The following NR6A1 variants were observed in gnomAD, a reference collection of about 807,000 sequenced individuals.
The protein encoded by NR6A1 is nuclear receptor subfamily 6 group A member 1.
In NR6A1, 7 loss-of-function variants were observed where a neutral mutation model predicts 59.1. That is an observed-to-expected ratio of 0.12 (90% confidence interval 0.07 to 0.22). The LOEUF (loss-of-function observed/expected upper bound fraction) is 0.22, where lower values mean the gene tolerates loss of function less well. Ranked by LOEUF, NR6A1 falls within the 10% of genes least tolerant of loss-of-function variation. The pLI is 1.00. For missense variants in NR6A1, 468 were observed against 611.6 expected, an observed-to-expected ratio of 0.77 and a Z score of 2.48; for synonymous variants, 243 against 236.1, an observed-to-expected ratio of 1.03 and a Z score of -0.27.
At chr9:124,765,133 A>G (rs1231134553) in intron 1 of NR6A1, among the ~76,000 whole-genome samples, 1 of 152,190 alleles carries the variant, frequency 6.6e-6, no homozygotes, top group Non-Finnish European at 1.5e-5. Flanking sequence ...AACGAATTGT[A>G]TGGTTTATTT....
In NR6A1 at chr9:124,771,170, G is replaced by A. The variant is rs940151833; in HGVS notation, c.-51C>T. ...GGTTTGTTGCTCCGCCATGACCGGC[G>A]CCCTAGTCGCCGTGGTCGTCGTCCG... is the stretch of plus-strand genomic sequence containing the variant. On this transcript the variant is annotated 5_prime_UTR_variant, in exon 1 of 10. Coordinates refer to ENST00000487099, the MANE Select transcript of NR6A1 (RefSeq NM_033334.4). The A allele has an allele frequency of 3.8e-6, 4 of 1,039,224 alleles. No homozygotes were observed. The East Asian group carries it at 1.3e-4, about 34-fold the overall frequency. 64.4% of individuals were successfully genotyped at this position (1,039,224 alleles called of 1,614,324 possible).
chr9:124,724,623 T>C (rs912558839), intron 2 of NR6A1, among the ~76,000 whole-genome samples: 8 of 152,198 alleles, frequency 5.3e-5, no homozygotes, highest in Non-Finnish European at 1.2e-4. Context: ...CTCAGTGTAA[T>C]TACTTGTAGG....
In NR6A1 at chr9:124,733,296, T is replaced by G; in HGVS notation, c.142+12A>C. ...TCTTACCAAAGAATATTGGGTAACA[T>G]TGAGAACTTACTAGTGCCTGGGTCA... On this transcript the variant is annotated intron_variant, in intron 2 of 9. Coordinates refer to ENST00000487099, the MANE Select transcript of NR6A1 (RefSeq NM_033334.4). The G allele has an allele frequency of 6.2e-7, 1 of 1,602,638 alleles. No individual in the cohort carries two copies. The highest frequency in any genetic ancestry group is 8.6e-7 in the Non-Finnish European group (1 of 1,169,526).
intron 2 of NR6A1, among the ~76,000 whole-genome samples, chr9:124,681,435 G>A (rs7026327): frequency 0.02 from 2,937 of 145,542 alleles, 86 homozygotes; most frequent in African/African-American, 0.069. Context: ...TCCACCTTCC[G>A]GGTTCAGGCG....
chr9:124,569,238 G>C (rs1051567868), intron 2 of NR6A1, among the ~76,000 whole-genome samples: 12 of 152,160 alleles, frequency 7.9e-5, no homozygotes, highest in African/African-American at 2.9e-4. Context: ...TCTTGTAAGT[G>C]AGCACAACAC....
chr9:124,534,506 C>T (rs768975345), intron 7 of NR6A1, among the ~76,000 whole-genome samples: 13 of 152,188 alleles, frequency 8.5e-5, no homozygotes, highest in Non-Finnish European at 1.9e-4. Context: ...TGTGCTTGGA[C>T]AGGCCCCAGA....
chr9:124,688,832 G>A (rs1838426528), intron 2 of NR6A1, among the ~76,000 whole-genome samples: 1 of 152,116 alleles, frequency 6.6e-6, no homozygotes, highest in Non-Finnish European at 1.5e-5. Flanking sequence ...ATGTATTTAG[G>A]GAGAGAATCC....
intron 2 of NR6A1, among the ~76,000 whole-genome samples, chr9:124,623,053 A>G (rs1263155860): frequency 6.6e-6 from 1 of 152,172 alleles, no homozygotes; most frequent in Non-Finnish European, 1.5e-5. Flanking sequence ...ATTTCCCTCC[A>G]CAGTGTGCCA....
intron 3 of NR6A1, among the ~76,000 whole-genome samples, chr9:124,547,703 T>C (rs1361983483): frequency 6.6e-6 from 1 of 152,212 alleles, no homozygotes; most frequent in Admixed American, 6.5e-5. Context: ...ATAACCTGCA[T>C]GTATTCGTGA....
intron 2 of NR6A1, among the ~76,000 whole-genome samples, chr9:124,712,853 T>C (rs948977318): frequency 2.0e-5 from 3 of 152,304 alleles, no homozygotes; most frequent in South Asian, 2.1e-4. Context: ...AGATGGAGAA[T>C]TGGTATGAAA....
At position 124,736,237 on chromosome 9, in the gene NR6A1, C is replaced by T. The variant is rs111620462; in HGVS notation, c.101-2888G>A. Among the ~76,000 whole-genome samples the T allele has an allele frequency of 6.1e-3, 921 of 152,176 alleles. 10 individuals carry two copies. The highest frequency in any genetic ancestry group is 0.021 in the African/African-American group (875 of 41,516). On this transcript the variant is annotated intron_variant, in intron 1 of 9. Transcript: ENST00000487099. ...CAGACTACTTTGGACATTAAATGAA[C>T]GGACTATACTAGAAGTCTCAAAAAA... is the stretch of plus-strand genomic sequence containing the variant.
chr9:124,575,730 G>A lies in NR6A1; in HGVS notation c.143-21160C>T, dbSNP rs565042444. ...ATAACAATAGTACTTTTATCACATC[G>A]TAACTGTGAGGACTGAGTTATTACA... On this transcript the variant is annotated intron_variant, in intron 2 of 9. Coordinates refer to ENST00000487099, the MANE Select transcript of NR6A1 (RefSeq NM_033334.4). Among the ~76,000 whole-genome samples, 7 of 148,826 alleles carry A rather than the reference G, an allele frequency of 4.7e-5. No individual in the cohort carries two copies. The South Asian group carries it at 6.2e-4, about 13-fold the overall frequency.
intron 2 of NR6A1, among the ~76,000 whole-genome samples, chr9:124,603,966 C>T (rs995974684): frequency 6.6e-6 from 1 of 152,204 alleles, no homozygotes; most frequent in African/African-American, 2.4e-5. Flanking sequence ...ATCCTACCTG[C>T]ACCAGTTCTA....
chr9:124,703,633 T>C (rs375029392), intron 2 of NR6A1, among the ~76,000 whole-genome samples: 3 of 152,206 alleles, frequency 2.0e-5, no homozygotes, highest in Non-Finnish European at 2.9e-5. Context: ...TTCTATATTG[T>C]TGAATTTGGT....
chr9:124,592,450 G>C (rs1384066335), intron 2 of NR6A1, among the ~76,000 whole-genome samples: 1 of 152,188 alleles, frequency 6.6e-6, no homozygotes, highest in Non-Finnish European at 1.5e-5. Flanking sequence ...CAGAGGGGCA[G>C]AATCAATTGT....
At chr9:124,582,975 C>T (rs1167884760) in intron 2 of NR6A1, among the ~76,000 whole-genome samples, 1 of 152,122 alleles carries the variant, frequency 6.6e-6, no homozygotes, top group Non-Finnish European at 1.5e-5. Flanking sequence ...CCTTCCCCCC[C>T]AAAGCACTCA....
chr9:124,617,405 C>T (rs1835929644), intron 2 of NR6A1, among the ~76,000 whole-genome samples: 1 of 152,174 alleles, frequency 6.6e-6, no homozygotes, highest in Non-Finnish European at 1.5e-5. Context: ...CAGCTGTAAG[C>T]CAGTCAACTG....
chr9:124,679,320 G>C (rs1345319421), intron 2 of NR6A1, among the ~76,000 whole-genome samples: 1 of 152,084 alleles, frequency 6.6e-6, no homozygotes, highest in Non-Finnish European at 1.5e-5. Flanking sequence ...TGGATGCTTT[G>C]TTCTCCAAAC....
At chr9:124,572,439 TAG>T (rs61125071) in intron 2 of NR6A1, among the ~76,000 whole-genome samples, 3,373 of 152,308 alleles carry the variant, frequency 0.022, 103 homozygotes, top group East Asian at 0.085. Context: ...GAACAACTGC[TAG>T]AGACTATTCT....
Sources: gnomAD v4.1 joint callset for allele counts (sites outside exome capture counted in the v4.1 genomes callset) on GRCh38, gnomAD v4.1.1 for gene constraint, MANE v1.5 for transcripts, NCBI Gene and HGNC (gene_info 2026-07-23, HGNC 2026-07-21) for gene names.